TNNT2: variants seen among roughly 807,000 people sequenced by gnomAD.
TNNT2 encodes the protein troponin T2, cardiac type, also known as troponin T, cardiac muscle.
TNNT2 carries 34 observed loss-of-function variants against 62.4 expected under a neutral mutation model. That is an observed-to-expected ratio of 0.54 (90% confidence interval 0.41 to 0.72). TNNT2 has a LOEUF of 0.72. Among genes scored for constraint, TNNT2 ranks in the 30% least tolerant of loss-of-function variants. The pLI is 0.00. For missense variants in TNNT2, 275 were observed against 381.9 expected, an observed-to-expected ratio of 0.72 and a Z score of 2.33; for synonymous variants, 123 against 127.2, an observed-to-expected ratio of 0.97 and a Z score of 0.22.
chr1:201,365,907 T>C (rs1380745438), intron 8 of TNNT2: 4 of 1,375,480 alleles, frequency 2.9e-6, no homozygotes, highest in African/African-American at 1.5e-5. Flanking sequence ...GATATGCCCA[T>C]GAAGTGGGTA....
At chr1:201,364,509 G>A (rs781692511) in intron 10 of TNNT2, 134 bp from the exon 11 acceptor site, 23 of 860,774 alleles carry the variant, frequency 2.7e-5, no homozygotes, top group African/African-American at 5.0e-5. Flanking sequence ...AATGGTGCCC[G>A]GCCTCCAAGG....
intron 1 of TNNT2, among the ~76,000 whole-genome samples, chr1:201,376,700 C>T (rs1038412711): frequency 6.6e-6 from 1 of 152,184 alleles, no homozygotes; most frequent in Admixed American, 6.5e-5. Context: ...TCCTTACACA[C>T]CAGGCAACCC....
chr1:201,361,002 G>A (rs886503385), intron 15 of TNNT2: 10 of 491,766 alleles, frequency 2.0e-5, no homozygotes, highest in African/African-American at 1.4e-4. Flanking sequence ...TCACTGAGCT[G>A]CTGCCTCAAC....
chr1:201,365,526 G>A (rs1659501216), intron 9 of TNNT2, 84 bp downstream of exon 9: 1 of 1,491,480 alleles, frequency 6.7e-7, no homozygotes, highest in Admixed American at 1.7e-5. Context: ...CTCTACCCCA[G>A]CCCAAGGTCA....
At chr1:201,359,369 C>T in intron 16 of TNNT2, 114 bp from the exon 17 acceptor site, 1 of 1,335,778 alleles carries the variant, frequency 7.5e-7, no homozygotes, top group Non-Finnish European at 1.1e-6. Context: ...GGAGCTGCCT[C>T]CAGGGGCAGA....
At chr1:201,368,567 C>A in intron 5 of TNNT2, 1 of 459,010 alleles carries the variant, frequency 2.2e-6, no homozygotes. Flanking sequence ...CTGTCCTGAA[C>A]CTAGTGACTC....
In TNNT2 at chr1:201,368,403, G is replaced by A. The variant is rs769274193; in HGVS notation, c.98-176C>T. Reference sequence around the variant, plus strand: ...CTGCCATTCTTGGTTTTGACTGTCGGCTACCTCCCGCCACCCAGCTTAGCC... The same window carrying A: ...CTGCCATTCTTGGTTTTGACTGTCGACTACCTCCCGCCACCCAGCTTAGCC... On this transcript the variant is annotated intron_variant, in intron 5 of 16. Transcript: ENST00000656932. The A allele has an allele frequency of 5.8e-6, 4 of 690,162 alleles. No homozygotes were observed. In the African/African-American group the frequency reaches 7.1e-5, roughly 12 times the overall value. The allele number at this position is 690,162 out of a possible 1,614,324, so 42.8% of individuals were successfully genotyped here.
rs770704074 is a variant in TNNT2 at position 201,363,417 on chromosome 1, G to A, written c.490-11C>T. 2 of 1,612,762 alleles carry A rather than the reference G, an allele frequency of 1.2e-6. No homozygotes were observed. Among genetic ancestry groups the A allele is most frequent in the South Asian group, 1.1e-5 (1 of 91,052 alleles). On this transcript the variant is annotated splice_polypyrimidine_tract_variant and intron_variant, in intron 11 of 16. Coordinates refer to ENST00000656932, the MANE Select transcript of TNNT2 (RefSeq NM_001276345.2). ...TCGAGCCCTCTCTTCCTGATTTACA[G>A]CAGGGAGGAAGAAAGCAAATTAGGG... is the stretch of plus-strand genomic sequence containing the variant.
chr1:201,367,762 T>C lies in TNNT2; in HGVS notation c.199+9A>G, dbSNP rs749187235. The C allele has an allele frequency of 6.2e-7, 1 of 1,614,200 alleles. No individual in the cohort carries two copies. Among genetic ancestry groups the C allele is most frequent in the East Asian group, 2.2e-5 (1 of 44,886 alleles). ...TGCCTCCCTTGTACCTCTCTCCTGA[T>C]ATCCTTACCTTCAGCCTCCTTTGCT... On this transcript the variant is annotated intron_variant, in intron 7 of 16. Transcript: ENST00000656932.
At chr1:201,375,735 G>A (rs1661304137) in intron 1 of TNNT2, among the ~76,000 whole-genome samples, 2 of 152,196 alleles carry the variant, frequency 1.3e-5, no homozygotes, top group South Asian at 4.1e-4. Flanking sequence ...GTCCCTCAGT[G>A]GGAGGGAGAA....
intron 1 of TNNT2, chr1:201,374,616 G>T (rs1237777136): frequency 6.6e-6 from 1 of 152,214 alleles, no homozygotes; most frequent in Non-Finnish European, 1.5e-5. Context: ...GCGTTTGCCT[G>T]CGACCTTGGC....
intron 4 of TNNT2, 23 bp downstream of exon 4, chr1:201,372,004 C>A: frequency 1.2e-6 from 2 of 1,613,966 alleles, no homozygotes; most frequent in Non-Finnish European, 8.5e-7. Context: ...CTTTCTGGCT[C>A]TCCACCTGCC....
At chr1:201,363,122 C>A (rs948383157) in intron 12 of TNNT2, 174 bp downstream of exon 12, 1 of 985,306 alleles carries the variant, frequency 1.0e-6, no homozygotes, top group Admixed American at 6.1e-5. Flanking sequence ...GTGCAAGCCG[C>A]GGTCAGGCTG....
chr1:201,373,121 A>G (rs1342564387), intron 2 of TNNT2, 93 bp downstream of exon 2: 1 of 1,302,334 alleles, frequency 7.7e-7, no homozygotes. Flanking sequence ...ACTTCTACCC[A>G]GAATCCGAGG....
intron 1 of TNNT2, 199 bp from the exon 2 acceptor site, chr1:201,373,467 C>A: frequency 1.6e-6 from 1 of 625,974 alleles, no homozygotes; most frequent in East Asian, 2.8e-5. Flanking sequence ...GCAGCAAGGC[C>A]ACCTGCTGAT....
intron 11 of TNNT2, 51 bp from the exon 12 acceptor site, chr1:201,363,457 C>T: frequency 1.3e-6 from 2 of 1,558,328 alleles, no homozygotes; most frequent in Non-Finnish European, 1.8e-6. Flanking sequence ...GGATTGGAAA[C>T]CCTGATTCTG....
At chr1:201,361,630 G>A (rs555312028) in intron 14 of TNNT2, among the ~76,000 whole-genome samples, 63 of 152,366 alleles carry the variant, frequency 4.1e-4, no homozygotes, top group African/African-American at 1.5e-3. Flanking sequence ...TCTGGCGCAG[G>A]AGAGCATCTA....
chr1:201,361,550 T>C (rs908111434), intron 14 of TNNT2, among the ~76,000 whole-genome samples, 181 bp from the exon 15 acceptor site: 3 of 152,032 alleles, frequency 2.0e-5, no homozygotes, highest in Admixed American at 6.5e-5. Flanking sequence ...CAGCACCCAG[T>C]GCTCAGGAAC....
At chr1:201,373,068 A>G in intron 2 of TNNT2, 146 bp downstream of exon 2, 1 of 825,442 alleles carries the variant, frequency 1.2e-6, no homozygotes, top group Admixed American at 1.7e-5. Context: ...GTGGAAAGGA[A>G]ATGGCTATAT....
Sources: gnomAD v4.1 joint callset for allele counts (sites outside exome capture counted in the v4.1 genomes callset) on GRCh38, gnomAD v4.1.1 for gene constraint, MANE v1.5 for transcripts, NCBI Gene and HGNC (gene_info 2026-07-23, HGNC 2026-07-21) for gene names.